The following NYAP2 variants were observed in gnomAD, a reference collection of about 807,000 sequenced individuals.
NYAP2 encodes neuronal tyrosine-phosphorylated phosphoinositide-3-kinase adaptor 2.
NYAP2 carries 23 observed loss-of-function variants against 50.4 expected under a neutral mutation model. The ratio of observed to expected loss-of-function variants is 0.46; its 90% CI spans 0.33 to 0.65. NYAP2 has a LOEUF of 0.65. Among genes scored for constraint, NYAP2 ranks in the 30% least tolerant of loss-of-function variants. The pLI, the probability that NYAP2 is intolerant of heterozygous loss-of-function variation, is 0.02. For missense variants in NYAP2, 885 were observed against 861.0 expected, an observed-to-expected ratio of 1.03 and a Z score of -0.35; for synonymous variants, 394 against 365.2, an observed-to-expected ratio of 1.08 and a Z score of -0.90.
chr2:225,641,422 A>AACACACACACACAC (rs56041107), intron 6 of NYAP2, among the ~76,000 whole-genome samples: 4 of 133,716 alleles, frequency 3.0e-5, no homozygotes, highest in East Asian at 4.3e-4. Flanking sequence ...CAATCCCTCA[A>AACACACACACACAC]ACACACACAC....
At chr2:225,600,547 A>C (rs547691890) in intron 5 of NYAP2, among the ~76,000 whole-genome samples, 2 of 152,276 alleles carry the variant, frequency 1.3e-5, no homozygotes, top group East Asian at 3.9e-4. Context: ...TTCATCTTAC[A>C]CTCAGGAATG....
chr2:225,584,671 GGTA>G (rs1692360222), intron 5 of NYAP2, among the ~76,000 whole-genome samples: 1 of 152,072 alleles, frequency 6.6e-6, no homozygotes, highest in Non-Finnish European at 1.5e-5. Flanking sequence ...AATATTCCTT[GGTA>G]GTTACAAGCC....
At position 225,495,748 on chromosome 2, in the gene NYAP2, G is replaced by A. The variant is rs114138977; in HGVS notation, c.222-17623G>A. 5.2e-3 allele frequency among the ~76,000 whole-genome samples: 785 copies of A among 152,184 alleles called. 8 individuals carry two copies. The highest frequency in any genetic ancestry group is 0.017 in the African/African-American group (691 of 41,502). On this transcript the variant is annotated intron_variant, in intron 3 of 6. Transcript: ENST00000636099. ...AAGATTGAACATGTGCAGTGTCGCC[G>A]CATTATGTAATATTTTAAAATAAAA... is the stretch of plus-strand genomic sequence containing the variant.
intron 3 of NYAP2, among the ~76,000 whole-genome samples, chr2:225,426,151 T>TTA (rs1491096455): frequency 0.011 from 1,373 of 126,960 alleles, 24 homozygotes; most frequent in African/African-American, 0.038. Context: ...TTTTTTTTTT[T>TTA]AAAAATTCTA....
At chr2:225,531,494 C>T (rs544057147) in intron 4 of NYAP2, among the ~76,000 whole-genome samples, 1 of 152,212 alleles carries the variant, frequency 6.6e-6, no homozygotes, top group East Asian at 1.9e-4. Context: ...TGAGACTATA[C>T]CTTAGAGACA....
chr2:225,540,346 A>T (rs1457753538), intron 4 of NYAP2, among the ~76,000 whole-genome samples: 1 of 152,228 alleles, frequency 6.6e-6, no homozygotes, highest in Admixed American at 6.5e-5. Flanking sequence ...AATTTATAAA[A>T]GAAAGAGTTT....
the NYAP2 span, among the ~76,000 whole-genome samples, chr2:225,676,323 C>T: frequency 2.0e-5 from 3 of 151,992 alleles, no homozygotes; most frequent in African/African-American, 7.2e-5. Flanking sequence ...AATTAATTTT[C>T]ACATATGGTG....
intron 6 of NYAP2, among the ~76,000 whole-genome samples, chr2:225,634,451 A>G (rs2106262036): frequency 6.6e-6 from 1 of 152,194 alleles, no homozygotes; most frequent in South Asian, 2.1e-4. Flanking sequence ...GTAGGGAAGC[A>G]TTTTCCATCA....
chr2:225,595,700 C>T (rs184603764), intron 5 of NYAP2, among the ~76,000 whole-genome samples: 1 of 152,196 alleles, frequency 6.6e-6, no homozygotes, highest in African/African-American at 2.4e-5. Flanking sequence ...CTGAACCAAG[C>T]TGTGTGTATG....
chr2:225,621,792 G>A (rs903440324), intron 5 of NYAP2, among the ~76,000 whole-genome samples: 2 of 151,746 alleles, frequency 1.3e-5, no homozygotes, highest in African/African-American at 4.8e-5. Context: ...CACATGCCAT[G>A]GTGGTTTGCT....
intron 3 of NYAP2, among the ~76,000 whole-genome samples, chr2:225,419,115 C>A (rs1389806824): frequency 1.3e-5 from 2 of 152,130 alleles, no homozygotes; most frequent in African/African-American, 2.4e-5. Context: ...ATGCAGTCGG[C>A]GATACTGATT....
chr2:225,450,626 A>G (rs890429436), intron 3 of NYAP2, among the ~76,000 whole-genome samples: 1 of 152,204 alleles, frequency 6.6e-6, no homozygotes, highest in Admixed American at 6.5e-5. Flanking sequence ...TCAACTGTAA[A>G]TGGGAATCTG....
chr2:225,426,899 T>G (rs1404699972), intron 3 of NYAP2, among the ~76,000 whole-genome samples: 2 of 152,214 alleles, frequency 1.3e-5, no homozygotes, highest in African/African-American at 2.4e-5. Context: ...TTTACAGTTT[T>G]TCTCAGATTT....
chr2:225,445,450 G>A (rs1267729102), intron 3 of NYAP2, among the ~76,000 whole-genome samples: 1 of 151,884 alleles, frequency 6.6e-6, no homozygotes, highest in Non-Finnish European at 1.5e-5. Flanking sequence ...TATAAAATCA[G>A]TAAGCAGATC....
chr2:225,559,524 G>A (rs955552915), intron 4 of NYAP2, among the ~76,000 whole-genome samples: 1 of 152,012 alleles, frequency 6.6e-6, no homozygotes, highest in Admixed American at 6.6e-5. Context: ...TAGTGATCCA[G>A]TAACCTCATT....
At chr2:225,565,736 C>T (rs1176157780) in intron 4 of NYAP2, among the ~76,000 whole-genome samples, 1 of 152,148 alleles carries the variant, frequency 6.6e-6, no homozygotes, top group Non-Finnish European at 1.5e-5. Flanking sequence ...TAAATCCTCA[C>T]ATGCATATAT....
At chr2:225,632,781 T>C (rs921893307) in intron 6 of NYAP2, among the ~76,000 whole-genome samples, 2 of 152,156 alleles carry the variant, frequency 1.3e-5, no homozygotes, top group Non-Finnish European at 2.9e-5. Context: ...TCCACACAGC[T>C]TGTATCCAAC....
chr2:225,648,122 T>A (rs185697226), intron 6 of NYAP2, among the ~76,000 whole-genome samples: 1 of 152,136 alleles, frequency 6.6e-6, no homozygotes, highest in African/African-American at 2.4e-5. Flanking sequence ...TGCCTCGGCC[T>A]CATGAGTAGC....
At chr2:225,550,660 G>C (rs1158705155) in intron 4 of NYAP2, among the ~76,000 whole-genome samples, 1 of 152,126 alleles carries the variant, frequency 6.6e-6, no homozygotes, top group African/African-American at 2.4e-5. Context: ...AATTATGGGA[G>C]GAATGAAACC....
Sources: allele counts gnomAD v4.1 joint callset (sites outside exome capture counted in the v4.1 genomes callset), GRCh38; gene constraint gnomAD v4.1.1; transcripts MANE v1.5; gene names NCBI Gene and HGNC (gene_info 2026-07-23, HGNC 2026-07-21).